The following SPRED2 variants were observed in gnomAD, a reference collection of about 807,000 sequenced individuals.
SPRED2 encodes the protein sprouty related EVH1 domain containing 2.
Under a neutral mutation model 43.0 loss-of-function variants are expected in SPRED2, and 47 were observed. The observed-to-expected ratio is 1.09, with a 90% CI of 0.87 to 1.40. The LOEUF is 1.40. Ranked by LOEUF, SPRED2 falls within the 40% of genes most tolerant of loss-of-function variation. The probability of loss-of-function intolerance (pLI) is 0.00; values close to 1 mark genes in which losing one functional copy is unlikely to be tolerated. For synonymous variants in SPRED2, 225 were observed against 225.7 expected, an observed-to-expected ratio of 1.00 and a Z score of 0.03; for missense variants, 561 against 586.4, an observed-to-expected ratio of 0.96 and a Z score of 0.45.
intron 4 of SPRED2, among the ~76,000 whole-genome samples, chr2:65,318,084 T>C (rs1159953008): frequency 6.6e-6 from 1 of 152,104 alleles, no homozygotes; most frequent in Admixed American, 6.6e-5. Flanking sequence ...GGCAAGTCTT[T>C]CCCGTGCTGT....
chr2:65,423,273 G>C (rs891230499), intron 1 of SPRED2, among the ~76,000 whole-genome samples: 2 of 152,178 alleles, frequency 1.3e-5, no homozygotes, highest in Non-Finnish European at 2.9e-5. Context: ...TGGTAATAAG[G>C]TATCTAGACC....
intron 3 of SPRED2, chr2:65,334,396 T>C (rs192886243): frequency 1.6e-6 from 1 of 629,610 alleles, no homozygotes; most frequent in East Asian, 3.0e-5. Flanking sequence ...TCAATTGGGA[T>C]TACTCCTTAC....
At chr2:65,385,074 G>A (rs1675464151) in intron 1 of SPRED2, among the ~76,000 whole-genome samples, 1 of 150,576 alleles carries the variant, frequency 6.6e-6, no homozygotes, top group Non-Finnish European at 1.5e-5. Context: ...CCAGGTTCAA[G>A]CAATTCTCCT....
chr2:65,387,307 A>T (rs1368597380), intron 1 of SPRED2, among the ~76,000 whole-genome samples: 1 of 152,324 alleles, frequency 6.6e-6, no homozygotes, highest in East Asian at 1.9e-4. Context: ...TAGGGAATAC[A>T]GTCATTGCTC....
At chr2:65,380,978 T>C (rs761908532) in intron 1 of SPRED2, among the ~76,000 whole-genome samples, 1 of 152,176 alleles carries the variant, frequency 6.6e-6, no homozygotes, top group Non-Finnish European at 1.5e-5. Flanking sequence ...TCCTCTTTAA[T>C]TCTCATTGCA....
At chr2:65,329,482 T>G (rs1212119838) in intron 4 of SPRED2, among the ~76,000 whole-genome samples, 1 of 152,128 alleles carries the variant, frequency 6.6e-6, no homozygotes, top group Admixed American at 6.5e-5. Context: ...TACAAGAAAT[T>G]AAGTGGTGCT....
At chr2:65,317,255 G>A (rs1287745363) in intron 4 of SPRED2, among the ~76,000 whole-genome samples, 2 of 152,242 alleles carry the variant, frequency 1.3e-5, no homozygotes, top group Non-Finnish European at 1.5e-5. Context: ...GCTCATGCCT[G>A]TAATCCCAGC....
intron 2 of SPRED2, among the ~76,000 whole-genome samples, chr2:65,343,731 T>C (rs950083066): frequency 1.3e-5 from 2 of 152,236 alleles, no homozygotes; most frequent in African/African-American, 4.8e-5. Flanking sequence ...GATTCCTTCA[T>C]AACATAGAAC....
intron 1 of SPRED2, among the ~76,000 whole-genome samples, chr2:65,382,814 C>T (rs1468869366): frequency 6.6e-6 from 1 of 152,138 alleles, no homozygotes; most frequent in African/African-American, 2.4e-5. Context: ...AGCCTCATTT[C>T]CAGGTTCAAC....
chr2:65,418,665 T>C (rs1676346180), intron 1 of SPRED2, among the ~76,000 whole-genome samples: 1 of 152,068 alleles, frequency 6.6e-6, no homozygotes, highest in Non-Finnish European at 1.5e-5. Flanking sequence ...GTCATTCTCA[T>C]GTCTCAGCCT....
chr2:65,397,860 T>A (rs1436471322), intron 1 of SPRED2, among the ~76,000 whole-genome samples: 5 of 152,060 alleles, frequency 3.3e-5, no homozygotes, highest in Non-Finnish European at 7.4e-5. Flanking sequence ...AATACCACCA[T>A]TATTCTTCAC....
intron 4 of SPRED2, among the ~76,000 whole-genome samples, chr2:65,331,170 CT>C (rs1673801791): frequency 6.6e-6 from 1 of 152,136 alleles, no homozygotes; most frequent in South Asian, 2.1e-4. Flanking sequence ...AATCCCAGCA[CT>C]TTGAGAAGCT....
chr2:65,382,962 C>T (rs1444243715), intron 1 of SPRED2, among the ~76,000 whole-genome samples: 1 of 152,168 alleles, frequency 6.6e-6, no homozygotes, highest in East Asian at 1.9e-4. Context: ...AAAAATGTGG[C>T]ATCCCAGCCC....
chr2:65,368,401 G>A (rs148134959), intron 1 of SPRED2, among the ~76,000 whole-genome samples: 458 of 152,216 alleles, frequency 3.0e-3, no homozygotes, highest in Non-Finnish European at 5.1e-3. Flanking sequence ...ATGTTTCCTT[G>A]AAATTTTATA....
intron 1 of SPRED2, among the ~76,000 whole-genome samples, chr2:65,395,231 C>T (rs550545623): frequency 1.1e-4 from 16 of 152,328 alleles, no homozygotes; most frequent in Admixed American, 6.5e-4. Context: ...CCCTTACCAA[C>T]GTTAACCCTC....
At chr2:65,331,264 T>A (rs1673803915) in intron 4 of SPRED2, among the ~76,000 whole-genome samples, 1 of 151,982 alleles carries the variant, frequency 6.6e-6, no homozygotes, top group Admixed American at 6.6e-5. Flanking sequence ...AATAAATAAA[T>A]AAATAAAAAG....
chr2:65,366,870 C>T (rs1034656304), intron 1 of SPRED2: 4 of 869,528 alleles, frequency 4.6e-6, no homozygotes, highest in Non-Finnish European at 4.6e-6. Flanking sequence ...AACTGGAAGC[C>T]TGACAGCTGA....
In SPRED2 at chr2:65,311,737, TACTA is replaced by T; in HGVS notation, c.*1760_*1763del. 1 of 985,450 alleles carries T rather than the reference TACTA, an allele frequency of 1.0e-6. No individual in the cohort carries two copies. The highest frequency in any genetic ancestry group is 5.2e-4 in the Middle Eastern group (1 of 1,914). The allele number at this position is 985,450 out of a possible 1,614,324, so 61.0% of individuals were successfully genotyped here. A position where few individuals can be genotyped will look rare whatever the true frequency, so the allele number is the denominator to read the frequency against. ...AGTTACTCCAATGAATGAAGACGTC[TACTA>T]ACTGACTCATAAGCACACTGGGTAT... On this transcript the variant is annotated 3_prime_UTR_variant, in exon 6 of 6. Coordinates refer to ENST00000356388, the MANE Select transcript of SPRED2 (RefSeq NM_181784.3).
chr2:65,368,113 G>A (rs1052500084), intron 1 of SPRED2, among the ~76,000 whole-genome samples: 2 of 152,194 alleles, frequency 1.3e-5, no homozygotes, highest in African/African-American at 4.8e-5. Flanking sequence ...AAAGCCCAGA[G>A]CTCCTGCATG....
Sources: gnomAD v4.1 joint callset for allele counts (sites outside exome capture counted in the v4.1 genomes callset) on GRCh38, gnomAD v4.1.1 for gene constraint, MANE v1.5 for transcripts, NCBI Gene and HGNC (gene_info 2026-07-23, HGNC 2026-07-21) for gene names.